The following TYR variants were observed in gnomAD, a reference collection of about 807,000 sequenced individuals.
The protein encoded by TYR is tyrosinase, also known as LB24-AB.
A neutral mutation model predicts 51.5 loss-of-function variants in TYR; 58 were observed. The ratio of observed to expected loss-of-function variants is 1.13; its 90% CI spans 0.91 to 1.40. The LOEUF (loss-of-function observed/expected upper bound fraction) is 1.40, where lower values mean the gene tolerates loss of function less well. Ranked by LOEUF, TYR falls within the 40% of genes most tolerant of loss-of-function variation. The pLI, the probability that TYR is intolerant of heterozygous loss-of-function variation, is 0.00. For synonymous variants in TYR, 263 were observed against 235.2 expected, an observed-to-expected ratio of 1.12 and a Z score of -1.08; for missense variants, 732 against 647.4, an observed-to-expected ratio of 1.13 and a Z score of -1.42.
At chr11:89,255,143 A>T (rs1047881294) in intron 3 of TYR, among the ~76,000 whole-genome samples, 3 of 151,756 alleles carry the variant, frequency 2.0e-5, no homozygotes, top group Non-Finnish European at 4.4e-5. Flanking sequence ...TTTGGAGTTG[A>T]TTTCCAATTT....
At position 89,291,358 on chromosome 11, in the gene TYR, T is replaced by C. The variant is rs183338779; in HGVS notation, c.1367-3785T>C. Among the ~76,000 whole-genome samples, 6 of 152,120 alleles carry C rather than the reference T, an allele frequency of 3.9e-5. No individual in the cohort carries two copies. In the East Asian group the frequency reaches 1.2e-3, roughly 29 times the overall value. ...AATTTATGTAATACTTATCTAGCCG[T>C]ATTTTATTTTTTTACTATGCATTAT... is the stretch of plus-strand genomic sequence containing the variant. On this transcript the variant is annotated intron_variant, in intron 4 of 4. Transcript: ENST00000263321.
chr11:89,201,599 T>C (rs918411905), intron 2 of TYR, among the ~76,000 whole-genome samples: 2 of 152,244 alleles, frequency 1.3e-5, no homozygotes, highest in African/African-American at 4.8e-5. Flanking sequence ...TGGTGAAGAA[T>C]ATAATAATTA....
At chr11:89,284,506 G>C (rs910468897) in intron 3 of TYR, among the ~76,000 whole-genome samples, 1 of 151,718 alleles carries the variant, frequency 6.6e-6, no homozygotes, top group African/African-American at 2.4e-5. Flanking sequence ...CATTCTGGAG[G>C]TTCAAAACTC....
chr11:89,204,282 G>A (rs752156771), intron 2 of TYR, among the ~76,000 whole-genome samples: 45 of 152,308 alleles, frequency 3.0e-4, no homozygotes, highest in Admixed American at 2.0e-3. Flanking sequence ...CATCAGTAGA[G>A]GCCTAGTGGG....
intron 3 of TYR, among the ~76,000 whole-genome samples, chr11:89,251,837 G>C (rs114645987): frequency 5.9e-5 from 9 of 151,912 alleles, no homozygotes; most frequent in African/African-American, 2.2e-4. Flanking sequence ...GTTCTGTGAG[G>C]TGCCTTGATG....
intron 2 of TYR, among the ~76,000 whole-genome samples, chr11:89,204,396 C>CT (rs1943642733): frequency 7.1e-6 from 1 of 140,656 alleles, no homozygotes; most frequent in African/African-American, 3.0e-5. Context: ...GGAGATTATA[C>CT]ATTTTTTTTT....
chr11:89,224,023 G>A (rs77647959), intron 2 of TYR, among the ~76,000 whole-genome samples: 1 of 151,628 alleles, frequency 6.6e-6, no homozygotes, highest in African/African-American at 2.4e-5. Flanking sequence ...TAAAATGTCG[G>A]TCCATTCTAC....
intron 3 of TYR, among the ~76,000 whole-genome samples, chr11:89,277,008 T>A (rs1382566000): frequency 6.6e-6 from 1 of 151,782 alleles, no homozygotes; most frequent in African/African-American, 2.4e-5. Context: ...TCATTTATAT[T>A]GTCTCATTTT....
At chr11:89,291,872 C>T (rs1944855974) in intron 4 of TYR, among the ~76,000 whole-genome samples, 1 of 151,854 alleles carries the variant, frequency 6.6e-6, no homozygotes, top group Non-Finnish European at 1.5e-5. Context: ...CTTACAGCTT[C>T]CCTGTTCTTT....
chr11:89,250,919 A>C (rs1394422367), intron 3 of TYR, among the ~76,000 whole-genome samples: 7 of 151,986 alleles, frequency 4.6e-5, no homozygotes, highest in Non-Finnish European at 7.4e-5. Context: ...GACGTTGAAA[A>C]TGTTAAATCA....
intron 3 of TYR, among the ~76,000 whole-genome samples, chr11:89,262,601 T>A (rs1944470817): frequency 1.5e-5 from 2 of 134,070 alleles, no homozygotes; most frequent in Non-Finnish European, 3.2e-5. Context: ...TTAGCTAGAC[T>A]GGCCAAGAAA....
chr11:89,266,172 A>C (rs1466064783), intron 3 of TYR, among the ~76,000 whole-genome samples: 2 of 151,946 alleles, frequency 1.3e-5, no homozygotes, highest in Non-Finnish European at 2.9e-5. Flanking sequence ...ATTAGGCTAG[A>C]CTTTAACACA....
Position 89,216,433 on chromosome 11 carries a change from C to T in TYR, c.1037-11390C>T, listed in dbSNP as rs561872853. Among the ~76,000 whole-genome samples, 543 of 152,044 alleles carry T rather than the reference C, an allele frequency of 3.6e-3. 11 individuals are homozygous for T. Among genetic ancestry groups the T allele is most frequent in the Admixed American group, 0.033 (503 of 15,254 alleles). ...ACTCAAGGCTGAGGTGCACTGATTG[C>T]CTCAGCTCTGGAGTTTGACACGAGC... On this transcript the variant is annotated intron_variant, in intron 2 of 4. Coordinates refer to ENST00000263321, the MANE Select transcript of TYR (RefSeq NM_000372.5).
At chr11:89,191,519 G>A in intron 2 of TYR, 101 bp downstream of exon 2, 2 of 1,167,872 alleles carry the variant, frequency 1.7e-6, no homozygotes, top group Non-Finnish European at 2.5e-6. Context: ...AATTTTCTGA[G>A]TTGACCAAGA....
intron 3 of TYR, among the ~76,000 whole-genome samples, chr11:89,251,575 A>C (rs2135299635): frequency 1.3e-5 from 2 of 152,044 alleles, no homozygotes; most frequent in South Asian, 4.1e-4. Context: ...ATGGCAGCTG[A>C]AAGTTTTCTG....
intron 3 of TYR, among the ~76,000 whole-genome samples, chr11:89,252,723 G>A (rs974924362): frequency 2.0e-5 from 3 of 151,690 alleles, no homozygotes; most frequent in African/African-American, 7.3e-5. Context: ...AGATTGATTA[G>A]AATAACTGGA....
intron 3 of TYR, among the ~76,000 whole-genome samples, chr11:89,242,373 A>G (rs2135292575): frequency 8.4e-6 from 1 of 118,830 alleles, no homozygotes; most frequent in African/African-American, 4.1e-5. Flanking sequence ...ACGCCCAGCT[A>G]ATTTGGGCAT....
chr11:89,194,337 G>A (rs1271724970), intron 2 of TYR, among the ~76,000 whole-genome samples: 6 of 152,140 alleles, frequency 3.9e-5, no homozygotes, highest in African/African-American at 1.4e-4. Flanking sequence ...CCACATAGGT[G>A]ATTATGCATC....
intron 3 of TYR, among the ~76,000 whole-genome samples, chr11:89,281,935 C>T (rs565490372): frequency 6.6e-6 from 1 of 151,704 alleles, no homozygotes; most frequent in East Asian, 1.9e-4. Context: ...GATGACTACC[C>T]CCTCCTCCCC....
Sources: gnomAD v4.1 joint callset for allele counts (sites outside exome capture counted in the v4.1 genomes callset) on GRCh38, gnomAD v4.1.1 for gene constraint, MANE v1.5 for transcripts, NCBI Gene and HGNC (gene_info 2026-07-23, HGNC 2026-07-21) for gene names.